The following PTPRK variants were observed in gnomAD, a reference collection of about 807,000 sequenced individuals.
The protein encoded by PTPRK is protein tyrosine phosphatase receptor type K, also known as receptor-type tyrosine-protein phosphatase kappa.
A neutral mutation model predicts 178.0 loss-of-function variants in PTPRK; 75 were observed. The observed-to-expected ratio is 0.42, with a 90% CI of 0.35 to 0.51. The LOEUF (loss-of-function observed/expected upper bound fraction) is 0.51, where lower values mean the gene tolerates loss of function less well. Among genes scored for constraint, PTPRK ranks in the 20% least tolerant of loss-of-function variants. The pLI is 0.02. For synonymous variants in PTPRK, 637 were observed against 620.6 expected (o/e 1.03, Z -0.39); for missense variants, 1,441 against 1,797.8 (o/e 0.80, Z 3.59).
intron 2 of PTPRK, among the ~76,000 whole-genome samples, chr6:128,359,683 C>T (rs1212548378): frequency 1.3e-5 from 2 of 151,848 alleles, no homozygotes; most frequent in Non-Finnish European, 2.9e-5. Flanking sequence ...ACCTAGGAGG[C>T]AGAGGTTGCA....
At chr6:128,125,566 G>A (rs769526380) in intron 7 of PTPRK, among the ~76,000 whole-genome samples, 1 of 146,722 alleles carries the variant, frequency 6.8e-6, no homozygotes, top group Non-Finnish European at 1.5e-5. Flanking sequence ...TTATAGCAAT[G>A]CAAGAACAGA....
intron 1 of PTPRK, among the ~76,000 whole-genome samples, chr6:128,449,053 G>A (rs1345130433): frequency 6.6e-6 from 1 of 151,944 alleles, no homozygotes; most frequent in Non-Finnish European, 1.5e-5. Flanking sequence ...GTAGAGACGG[G>A]GTTTCACCAT....
At chr6:128,455,399 A>G (rs949359343) in intron 1 of PTPRK, among the ~76,000 whole-genome samples, 7 of 152,186 alleles carry the variant, frequency 4.6e-5, no homozygotes, top group Non-Finnish European at 7.4e-5. Flanking sequence ...TGCAGGTAGA[A>G]AACTATCATT....
Position 127,984,919 on chromosome 6 carries a change from G to T in PTPRK, c.3251+802C>A, listed in dbSNP as rs1562382624. Among the ~76,000 whole-genome samples, 4 of 152,068 alleles carry T rather than the reference G, an allele frequency of 2.6e-5. No homozygotes were observed. In the South Asian group the frequency reaches 8.3e-4, roughly 32 times the overall value. ...ACGTTTTACCTTTACTTCATTCTCT[G>T]CTTTTTTTCCCCTCTTTTATACATG... On this transcript the variant is annotated intron_variant, in intron 22 of 29. Transcript: ENST00000368226.
At chr6:128,049,488 T>C (rs1262676347) in intron 13 of PTPRK, among the ~76,000 whole-genome samples, 1 of 152,068 alleles carries the variant, frequency 6.6e-6, no homozygotes, top group Non-Finnish European at 1.5e-5. Context: ...AATAACTATT[T>C]ACATATTGAG....
At chr6:128,386,803 C>T (rs1289564551) in intron 2 of PTPRK, among the ~76,000 whole-genome samples, 1 of 152,196 alleles carries the variant, frequency 6.6e-6, no homozygotes, top group African/African-American at 2.4e-5. Context: ...TGCAGTGGCT[C>T]ATGCCTGTAA....
In PTPRK at chr6:128,005,932, G is replaced by T; in HGVS notation, c.2334-688C>A. 6 of 981,920 alleles carry T rather than the reference G, an allele frequency of 6.1e-6. No homozygotes were observed. The Admixed American group carries it at 1.0e-4, about 17-fold the overall frequency. The allele number at this position is 981,920 out of a possible 1,614,324, so 60.8% of individuals were successfully genotyped here. On this transcript the variant is annotated intron_variant, in intron 14 of 29. Coordinates refer to ENST00000368226, the MANE Select transcript of PTPRK (RefSeq NM_002844.4). The stretch of plus-strand genomic sequence containing the variant: ...TCTGAAAAAACTTTTTTTTTGAAAT[G>T]TCACCAAAATTGCAAGCATTCTGTT...
rs747188964 is a variant in PTPRK at position 128,242,503 on chromosome 6, T to C, written c.577+18A>G. ...GTGGAAAGGACATAGAAAAATACAA[T>C]TCTTAATCACAACCTACCACAAGGA... On this transcript the variant is annotated intron_variant, in intron 4 of 29. Transcript: ENST00000368226. 3.7e-6 allele frequency: 6 copies of C among 1,607,872 alleles called. No homozygotes were observed. In the Admixed American group the frequency reaches 1.0e-4, roughly 27 times the overall value.
In PTPRK at chr6:128,351,333, G is replaced by A. The variant is rs1478359505; in HGVS notation, c.224-29023C>T. ...GTACTATGTGGTAGAAAATGAACGC[G>A]AATTTAAACAGGACATGTTCAGACA... is the stretch of plus-strand genomic sequence containing the variant. On this transcript the variant is annotated intron_variant, in intron 2 of 29. Coordinates refer to ENST00000368226, the MANE Select transcript of PTPRK (RefSeq NM_002844.4). 6.6e-5 allele frequency among the ~76,000 whole-genome samples: 10 copies of A among 152,188 alleles called. No homozygotes were observed. In the East Asian group the frequency reaches 9.7e-4, roughly 15 times the overall value.
chr6:128,069,899 T>G (rs1048737431), intron 11 of PTPRK, among the ~76,000 whole-genome samples: 6 of 152,068 alleles, frequency 3.9e-5, no homozygotes, highest in Non-Finnish European at 8.8e-5. Flanking sequence ...AAAGGTGCAA[T>G]AGGCTCTTTG....
rs751250485 is a variant in PTPRK, at chr6:127,996,979, CA to C, written c.2688del (p.Phe896LeufsTer10). 1 of 1,610,980 alleles carries C rather than the reference CA, an allele frequency of 6.2e-7. No individual in the cohort carries two copies. The highest frequency in any genetic ancestry group is 8.5e-7 in the Non-Finnish European group (1 of 1,178,416). On this transcript the variant is annotated frameshift_variant, in exon 17 of 30. Coordinates refer to ENST00000368226, the MANE Select transcript of PTPRK (RefSeq NM_002844.4). LOFTEE classifies it high-confidence loss of function. ...YGFKEEYESFFEGQSASWDVA... is the reference protein window; with the variant it reads ...YGFKEEYESFXEGQSASWDVA... Reference sequence around the variant, plus strand: ...ACATCCCAAGATGCTGACTGTCCTTCAAAAAAGCTCTGGGAAAACAAAACGA... The same window carrying C: ...ACATCCCAAGATGCTGACTGTCCTTCAAAAAGCTCTGGGAAAACAAAACGA...
At chr6:128,409,109 T>C (rs1018905833) in intron 1 of PTPRK, among the ~76,000 whole-genome samples, 6 of 152,192 alleles carry the variant, frequency 3.9e-5, no homozygotes, top group African/African-American at 1.2e-4. Context: ...CTGTTTCAGC[T>C]AGCAATTTAG....
intron 2 of PTPRK, among the ~76,000 whole-genome samples, chr6:128,374,288 G>A (rs151236388): frequency 1.1e-4 from 16 of 152,040 alleles, no homozygotes; most frequent in East Asian, 1.9e-4. Flanking sequence ...CTCTCTATTC[G>A]TACCTATACC....
chr6:128,044,575 C>A (rs554609490), intron 13 of PTPRK, among the ~76,000 whole-genome samples: 1 of 151,976 alleles, frequency 6.6e-6, no homozygotes, highest in African/African-American at 2.4e-5. Context: ...AAAGTTTGTT[C>A]CAACATCAAG....
intron 1 of PTPRK, among the ~76,000 whole-genome samples, chr6:128,492,277 C>G (rs1017192788): frequency 6.6e-6 from 1 of 152,174 alleles, no homozygotes; most frequent in Non-Finnish European, 1.5e-5. Context: ...GATATCCCCT[C>G]CTAGGCAAAT....
chr6:128,342,159 A>T (rs1449996075), intron 2 of PTPRK, among the ~76,000 whole-genome samples: 2 of 152,160 alleles, frequency 1.3e-5, no homozygotes, highest in Admixed American at 1.3e-4. Flanking sequence ...AGGCTGGGGC[A>T]GAAGAATCGT....
chr6:128,002,958 T>C (rs2114698311), intron 15 of PTPRK, among the ~76,000 whole-genome samples: 1 of 152,048 alleles, frequency 6.6e-6, no homozygotes, highest in East Asian at 1.9e-4. Context: ...GGCCATGTAC[T>C]TTTGCTCCAA....
In PTPRK at chr6:127,980,854, A is replaced by G. The variant is rs372377168; in HGVS notation, c.3711+262T>C. Among the ~76,000 whole-genome samples, 29 of 152,318 alleles carry G rather than the reference A, an allele frequency of 1.9e-4. No individual in the cohort carries two copies. The East Asian group carries it at 5.0e-3, about 26-fold the overall frequency. ...TCTGAAAATAATTAAGATGAAATTT[A>G]TAACTTGCAATATTTACTACATGAA... On this transcript the variant is annotated intron_variant, in intron 25 of 29. Transcript: ENST00000368226.
At chr6:128,012,779 G>C (rs1046299622) in intron 13 of PTPRK, among the ~76,000 whole-genome samples, 1 of 151,350 alleles carries the variant, frequency 6.6e-6, no homozygotes, top group African/African-American at 2.4e-5. Context: ...GCTGTGATTA[G>C]GCAAACTAAT....
Sources: gnomAD v4.1 joint callset for allele counts (sites outside exome capture counted in the v4.1 genomes callset) on GRCh38, gnomAD v4.1.1 for gene constraint, MANE v1.5 for transcripts, NCBI Gene and HGNC (gene_info 2026-07-23, HGNC 2026-07-21) for gene names.